XKR4: variants seen among roughly 807,000 people sequenced by gnomAD.
The protein encoded by XKR4 is XK-related protein 4.
In XKR4, 12 loss-of-function variants were observed where a neutral mutation model predicts 53.9. That is an observed-to-expected ratio of 0.22 (90% CI 0.14 to 0.36). XKR4 has a LOEUF of 0.36. Among genes scored for constraint, XKR4 ranks in the 10% least tolerant of loss-of-function variants. The pLI, the probability that XKR4 is intolerant of heterozygous loss-of-function variation, is 1.00. For missense variants in XKR4, 799 were observed against 859.5 expected (o/e 0.93, Z 0.88); for synonymous variants, 354 against 362.4 (o/e 0.98, Z 0.26).
intron 1 of XKR4, among the ~76,000 whole-genome samples, chr8:55,228,326 G>A (rs970298360): frequency 2.0e-5 from 3 of 148,548 alleles, no homozygotes; most frequent in Non-Finnish European, 4.6e-5. Context: ...CCTTAAGTAC[G>A]ATTTGCTAAA....
chr8:55,289,799 GAGAA>G (rs1332857394), intron 1 of XKR4, among the ~76,000 whole-genome samples: 56 of 134,926 alleles, frequency 4.2e-4, no homozygotes, highest in Middle Eastern at 4.5e-3. Context: ...GAGAGAGAGA[GAGAA>G]AGAAAGGAAA....
chr8:55,420,842 G>A (rs1195587806), intron 2 of XKR4, among the ~76,000 whole-genome samples: 1 of 149,278 alleles, frequency 6.7e-6, no homozygotes, highest in Non-Finnish European at 1.5e-5. Context: ...AAGATCCTTT[G>A]GCTGTTGTTG....
chr8:55,394,982 T>C (rs1001512672), intron 2 of XKR4, among the ~76,000 whole-genome samples: 12 of 152,130 alleles, frequency 7.9e-5, no homozygotes, highest in African/African-American at 1.7e-4. Context: ...GGAGGCATGA[T>C]TGAGGGAGCT....
chr8:55,392,567 G>A (rs1459035473), intron 2 of XKR4, among the ~76,000 whole-genome samples: 2 of 152,218 alleles, frequency 1.3e-5, no homozygotes, highest in African/African-American at 4.8e-5. Flanking sequence ...GAGGCGGGTA[G>A]ATTGCTTGAG....
At chr8:55,417,293 G>A (rs913662758) in intron 2 of XKR4, among the ~76,000 whole-genome samples, 6 of 152,186 alleles carry the variant, frequency 3.9e-5, no homozygotes, top group Non-Finnish European at 8.8e-5. Flanking sequence ...ACCCAGCCAC[G>A]GTTTAGGAGA....
At chr8:55,201,714 G>C (rs1278149681) in intron 1 of XKR4, among the ~76,000 whole-genome samples, 1 of 152,214 alleles carries the variant, frequency 6.6e-6, no homozygotes, top group East Asian at 1.9e-4. Context: ...TGTTCTGTGT[G>C]AAGTGAGGGA....
chr8:55,411,831 C>A (rs1365125324), intron 2 of XKR4, among the ~76,000 whole-genome samples: 2 of 152,182 alleles, frequency 1.3e-5, no homozygotes, highest in Non-Finnish European at 2.9e-5. Context: ...CCAGCACTGC[C>A]TGACAGCGCT....
chr8:55,221,931 A>G (rs1310843215), intron 1 of XKR4, among the ~76,000 whole-genome samples: 1 of 152,218 alleles, frequency 6.6e-6, no homozygotes, highest in Non-Finnish European at 1.5e-5. Flanking sequence ...AGGACTAGAC[A>G]CAGAGTAGAT....
chr8:55,505,039 T>G (rs1032965617), intron 2 of XKR4, among the ~76,000 whole-genome samples: 4 of 152,072 alleles, frequency 2.6e-5, no homozygotes, highest in African/African-American at 9.7e-5. Context: ...GTTTTTCTAT[T>G]CTCTATTTTA....
At chr8:55,226,370 G>A (rs994829895) in intron 1 of XKR4, among the ~76,000 whole-genome samples, 1 of 152,180 alleles carries the variant, frequency 6.6e-6, no homozygotes, top group Non-Finnish European at 1.5e-5. Context: ...TTAGGCTGAA[G>A]GAGAAACTTT....
At chr8:55,471,285 C>T (rs1239122325) in intron 2 of XKR4, among the ~76,000 whole-genome samples, 1 of 152,036 alleles carries the variant, frequency 6.6e-6, no homozygotes, top group Non-Finnish European at 1.5e-5. Context: ...AGTAAAGAGA[C>T]TATTACCTAG....
At chr8:55,168,796 C>T (rs12543633) in intron 1 of XKR4, among the ~76,000 whole-genome samples, 4,352 of 152,130 alleles carry the variant, frequency 0.029, 162 homozygotes, top group East Asian at 0.12. Context: ...CAAGAAATGC[C>T]GGGACTGTCT....
At chr8:55,203,516 A>T (rs919315261) in intron 1 of XKR4, among the ~76,000 whole-genome samples, 3 of 152,222 alleles carry the variant, frequency 2.0e-5, no homozygotes, top group Non-Finnish European at 2.9e-5. Flanking sequence ...AATGAGGATG[A>T]TGTAAGATAG....
At chr8:55,414,633 A>G (rs1804819803) in intron 2 of XKR4, among the ~76,000 whole-genome samples, 2 of 151,988 alleles carry the variant, frequency 1.3e-5, no homozygotes, top group African/African-American at 4.8e-5. Context: ...TAAGGAAAGG[A>G]CATTTCACAA....
At chr8:55,238,330 A>C (rs1284397157) in intron 1 of XKR4, among the ~76,000 whole-genome samples, 1 of 152,180 alleles carries the variant, frequency 6.6e-6, no homozygotes, top group African/African-American at 2.4e-5. Flanking sequence ...ATTCAGGAAA[A>C]GCATGGCTAA....
intron 2 of XKR4, among the ~76,000 whole-genome samples, chr8:55,408,642 A>G (rs1248105267): frequency 6.6e-6 from 1 of 152,184 alleles, no homozygotes; most frequent in Non-Finnish European, 1.5e-5. Context: ...GGCAGGTGGC[A>G]AAGATTGGCA....
intron 1 of XKR4, among the ~76,000 whole-genome samples, chr8:55,347,714 T>C (rs1772282878): frequency 6.6e-6 from 1 of 152,218 alleles, no homozygotes; most frequent in South Asian, 2.1e-4. Context: ...CCATTAGCAC[T>C]AATGAGAGCT....
intron 1 of XKR4, among the ~76,000 whole-genome samples, chr8:55,198,592 A>C (rs1817534426): frequency 6.6e-6 from 1 of 152,084 alleles, no homozygotes; most frequent in South Asian, 2.1e-4. Context: ...ATGGATTCTT[A>C]CTTTTGGATA....
At chr8:55,331,697 C>A (rs1395538774) in intron 1 of XKR4, among the ~76,000 whole-genome samples, 1 of 152,038 alleles carries the variant, frequency 6.6e-6, no homozygotes, top group Non-Finnish European at 1.5e-5. Context: ...ACATAAGGTC[C>A]TTTTCTGTAC....
Sources: allele counts gnomAD v4.1 joint callset (sites outside exome capture counted in the v4.1 genomes callset), GRCh38; gene constraint gnomAD v4.1.1; transcripts MANE v1.5; gene names NCBI Gene and HGNC (gene_info 2026-07-23, HGNC 2026-07-21).